Variants in NELL1 observed in about 807,000 individuals in gnomAD.
The protein encoded by NELL1 is protein kinase C-binding protein NELL1.
Under a neutral mutation model 107.4 loss-of-function variants are expected in NELL1, and 76 were observed. That is an observed-to-expected ratio of 0.71 (90% CI 0.59 to 0.86). The LOEUF (loss-of-function observed/expected upper bound fraction) is 0.86. Ranked by LOEUF, NELL1 falls within the 40% of genes least tolerant of loss-of-function variation. The pLI, the probability that NELL1 is intolerant of heterozygous loss-of-function variation, is 0.00. For synonymous variants in NELL1, 353 were observed against 341.2 expected, an observed-to-expected ratio of 1.03 and a Z score of -0.38; for missense variants, 1,024 against 1,005.5, an observed-to-expected ratio of 1.02 and a Z score of -0.25.
intron 15 of NELL1, among the ~76,000 whole-genome samples, chr11:21,404,005 A>AC (rs71034518): frequency 0.34 from 17,328 of 50,678 alleles, 3,609 homozygotes; most frequent in Non-Finnish European, 0.4. Flanking sequence ...TCATTCCTGA[A>AC]CCCCCCCCCC....
At chr11:21,199,363 A>G (rs1233341061) in intron 13 of NELL1, among the ~76,000 whole-genome samples, 1 of 152,146 alleles carries the variant, frequency 6.6e-6, no homozygotes, top group East Asian at 1.9e-4. Flanking sequence ...GGCTGGGAAA[A>G]CCTAATAACT....
rs369194652 is a variant in NELL1 at position 21,335,240 on chromosome 11, A to G, written c.1550-35613A>G. On this transcript the variant is annotated intron_variant, in intron 14 of 19. Transcript: ENST00000357134. ...TTAATTCTATCCTGAGATATTTCCT[A>G]TAGATATTTCTAAATATTTTTTGCA... 1.8e-3 allele frequency among the ~76,000 whole-genome samples: 279 copies of G among 152,190 alleles called. 9 individuals are homozygous for G. The South Asian group carries it at 0.054, about 29-fold the overall frequency.
At chr11:21,309,281 TATA>T (rs1849684696) in intron 14 of NELL1, among the ~76,000 whole-genome samples, 1 of 6,628 alleles carries the variant, frequency 1.5e-4, no homozygotes, top group Non-Finnish European at 3.1e-4. Context: ...TATATATATG[TATA>T]TATATATATA....
At chr11:20,885,794 G>C (rs2134107677) in intron 5 of NELL1, among the ~76,000 whole-genome samples, 1 of 152,270 alleles carries the variant, frequency 6.6e-6, no homozygotes, top group East Asian at 1.9e-4. Flanking sequence ...ACTTGCCCAA[G>C]GTTATCCAGT....
intron 12 of NELL1, among the ~76,000 whole-genome samples, chr11:21,079,210 C>T (rs1035890794): frequency 1.3e-5 from 2 of 151,960 alleles, no homozygotes; most frequent in Non-Finnish European, 2.9e-5. Flanking sequence ...ATCATATAGA[C>T]ATCATAGATA....
chr11:20,994,494 C>T (rs1407210474), intron 12 of NELL1, among the ~76,000 whole-genome samples: 2 of 152,282 alleles, frequency 1.3e-5, no homozygotes, highest in East Asian at 3.9e-4. Flanking sequence ...TATACTTTGA[C>T]ATCCACAATT....
At chr11:21,211,899 C>G (rs1857505457) in intron 13 of NELL1, among the ~76,000 whole-genome samples, 1 of 152,062 alleles carries the variant, frequency 6.6e-6, no homozygotes, top group African/African-American at 2.4e-5. Flanking sequence ...GATCCCAGCT[C>G]ACTACAACCT....
chr11:20,677,509 A>G (rs1334058813), intron 1 of NELL1, among the ~76,000 whole-genome samples: 1 of 152,178 alleles, frequency 6.6e-6, no homozygotes, highest in Admixed American at 6.5e-5. Flanking sequence ...ACCTATTTAT[A>G]ATCTTTATTT....
intron 2 of NELL1, among the ~76,000 whole-genome samples, chr11:20,766,909 A>AT (rs1323041974): frequency 1.3e-5 from 2 of 151,798 alleles, no homozygotes; most frequent in Non-Finnish European, 2.9e-5. Flanking sequence ...CGCCCAGTTA[A>AT]TTTTTTGTAT....
At chr11:21,115,126 A>G (rs1267128167) in intron 13 of NELL1, among the ~76,000 whole-genome samples, 1 of 152,028 alleles carries the variant, frequency 6.6e-6, no homozygotes, top group Non-Finnish European at 1.5e-5. Flanking sequence ...GAATGCCTTA[A>G]TAGGATAGGC....
chr11:21,193,453 C>T (rs911419797), intron 13 of NELL1, among the ~76,000 whole-genome samples: 3 of 151,914 alleles, frequency 2.0e-5, no homozygotes, highest in East Asian at 1.9e-4. Flanking sequence ...CATTTTGTCA[C>T]TGGCATCTTG....
At chr11:20,743,616 C>T (rs141856258) in intron 2 of NELL1, among the ~76,000 whole-genome samples, 3 of 152,226 alleles carry the variant, frequency 2.0e-5, no homozygotes, top group South Asian at 4.1e-4. Context: ...TCAGTCCTTG[C>T]CTGCTTTCCT....
intron 12 of NELL1, among the ~76,000 whole-genome samples, chr11:21,091,172 C>T (rs941919156): frequency 6.6e-6 from 1 of 152,198 alleles, no homozygotes; most frequent in African/African-American, 2.4e-5. Context: ...ATCCCCTTCT[C>T]TGAAGATCTT....
chr11:21,221,477 T>A (rs2133873024), intron 13 of NELL1, among the ~76,000 whole-genome samples: 1 of 152,322 alleles, frequency 6.6e-6, no homozygotes, highest in Admixed American at 6.5e-5. Flanking sequence ...TTCTAAAAGT[T>A]TGATAGAATT....
Position 21,229,433 on chromosome 11 carries a change from G to A in NELL1, c.1528G>A (p.Gly510Arg), listed in dbSNP as rs1228836715. The A allele has an allele frequency of 6.2e-7, 1 of 1,613,802 alleles. No homozygotes were observed. The highest frequency in any genetic ancestry group is 8.5e-7 in the Non-Finnish European group (1 of 1,179,892). ...CTGCACCTGCAAACCGGGCTACGTGGGGAACGGGACCATCTGCAGAGGTAG... is the reference window on the plus strand; with the variant it reads ...CTGCACCTGCAAACCGGGCTACGTGAGGAACGGGACCATCTGCAGAGGTAG... The part of the protein sequence containing the change: ...HSCTCKPGYV[G>R]NGTICRAFCE... Residue 510 changes from glycine (G) to arginine (R), a missense_variant, in exon 14 of 20, where the codon GGG (glycine) becomes AGG (arginine). Physicochemically the swap from Gly to Arg is moderately radical, Grantham distance 125. Transcript: ENST00000357134.
intron 19 of NELL1, among the ~76,000 whole-genome samples, chr11:21,574,408 T>C (rs1857173989): frequency 6.6e-6 from 1 of 151,766 alleles, no homozygotes; most frequent in East Asian, 2.0e-4. Flanking sequence ...CTGTTACTTA[T>C]TTGATAATTA....
chr11:20,734,569 G>C (rs1855718527), intron 2 of NELL1, among the ~76,000 whole-genome samples: 1 of 152,108 alleles, frequency 6.6e-6, no homozygotes. Flanking sequence ...TGGAGTATGA[G>C]GGATCCTGAG....
intron 15 of NELL1, among the ~76,000 whole-genome samples, chr11:21,497,337 A>T (rs1855008945): frequency 6.6e-6 from 1 of 152,136 alleles, no homozygotes; most frequent in Non-Finnish European, 1.5e-5. Flanking sequence ...AAAGTAGACC[A>T]AATATTGTCA....
intron 15 of NELL1, among the ~76,000 whole-genome samples, chr11:21,408,906 G>T (rs1852298142): frequency 6.6e-6 from 1 of 151,842 alleles, no homozygotes; most frequent in African/African-American, 2.4e-5. Flanking sequence ...AATTAGAATG[G>T]CAATCATTAA....
Sources: gnomAD v4.1 joint callset for allele counts (sites outside exome capture counted in the v4.1 genomes callset) on GRCh38, gnomAD v4.1.1 for gene constraint, MANE v1.5 for transcripts, NCBI Gene and HGNC (gene_info 2026-07-23, HGNC 2026-07-21) for gene names.